The following CACNA1B variants were observed in gnomAD, a reference collection of about 807,000 sequenced individuals.
CACNA1B encodes voltage-dependent N-type calcium channel subunit alpha-1B.
Under a neutral mutation model 247.2 loss-of-function variants are expected in CACNA1B, and 70 were observed. The ratio of observed to expected loss-of-function variants is 0.28; its 90% CI spans 0.23 to 0.35. The LOEUF (loss-of-function observed/expected upper bound fraction) is 0.35, where lower values mean the gene tolerates loss of function less well. CACNA1B is among the 10% of genes least tolerant of loss of function. The pLI is 1.00. For synonymous variants in CACNA1B, 1,231 were observed against 1,294.4 expected (o/e 0.95, Z 1.05); for missense variants, 2,367 against 3,197.4 (o/e 0.74, Z 6.26).
At chr9:137,886,361 G>A (rs1354325608) in intron 3 of CACNA1B, among the ~76,000 whole-genome samples, 1 of 152,180 alleles carries the variant, frequency 6.6e-6, no homozygotes, top group Non-Finnish European at 1.5e-5. Flanking sequence ...GAGGAGGCGG[G>A]AAGGCCACCA....
chr9:138,047,107 G>C, intron 22 of CACNA1B, 74 bp downstream of exon 22: 1 of 1,412,154 alleles, frequency 7.1e-7, no homozygotes. Flanking sequence ...GGGCCCAAGG[G>C]GCTGGGGTGG....
intron 36 of CACNA1B, among the ~76,000 whole-genome samples, chr9:138,087,201 C>T (rs1254518920): frequency 6.7e-6 from 1 of 149,062 alleles, no homozygotes; most frequent in Non-Finnish European, 1.5e-5. Flanking sequence ...GCCTGGCTAA[C>T]ATGGTGAAAC....
At chr9:137,983,257 A>G (rs1958315319) in intron 12 of CACNA1B, among the ~76,000 whole-genome samples, 1 of 152,238 alleles carries the variant, frequency 6.6e-6, no homozygotes, top group African/African-American at 2.4e-5. Context: ...TGAGAATTAC[A>G]CACATGAAGA....
chr9:138,073,615 C>T lies in CACNA1B; in HGVS notation c.4791+11C>T, dbSNP rs201059479. 2.6e-5 allele frequency: 37 copies of T among 1,440,082 alleles called. No individual in the cohort carries two copies. The highest frequency in any genetic ancestry group is 1.1e-4 in the African/African-American group (8 of 71,432). The allele number at this position is 1,440,082 out of a possible 1,614,324, so 89.2% of individuals were successfully genotyped here. On this transcript the variant is annotated intron_variant, in intron 33 of 46. Transcript: ENST00000371372. The surrounding 1 kb of genome is among the most constrained non-coding windows in gnomAD (Gnocchi z 6.4). ...GTCCAGTCCTTCAAGGTGGGCCAGG[C>T]GGGGGGCCTCCATGCTTTCTGTCCC...
chr9:138,066,708 T>C (rs1959930757), intron 31 of CACNA1B, among the ~76,000 whole-genome samples: 1 of 152,186 alleles, frequency 6.6e-6, no homozygotes, highest in South Asian at 2.1e-4. Flanking sequence ...ATGAAAATAC[T>C]GTATATTAAA....
chr9:138,116,536 G>GT (rs1280308112), intron 42 of CACNA1B, among the ~76,000 whole-genome samples: 1 of 152,212 alleles, frequency 6.6e-6, no homozygotes, highest in Admixed American at 6.5e-5. Context: ...GATTCTGACT[G>GT]TATGTGCAGG....
chr9:138,121,590 A>G lies in CACNA1B; in HGVS notation c.6611A>G (p.Lys2204Arg), dbSNP rs1293137716. 4.3e-6 allele frequency: 7 copies of G among 1,612,558 alleles called. No homozygotes were observed. Among genetic ancestry groups the G allele is most frequent in the Non-Finnish European group, 5.9e-6 (7 of 1,179,290 alleles). ...ACTCCCCGCCCCAGCATCACCTACA[A>G]GACGGCCAACTCCTCACCCATCCAC... ...PLTPRPSITY[K>R]TANSSPIHFA... The change falls in exon 47 of 47, where the codon AAG (lysine) becomes AGG (arginine). Residue 2204 changes from lysine (K) to arginine (R), a missense_variant. Physicochemically the swap from Lys to Arg is conservative, Grantham distance 26 (BLOSUM62 2). Coordinates refer to ENST00000371372, the MANE Select transcript of CACNA1B (RefSeq NM_000718.4). This position sits in a 1 kb window ranked among gnomAD's most constrained non-coding sequence, Gnocchi z 6.8.
At position 137,955,663 on chromosome 9, in the gene CACNA1B, C is replaced by G; in HGVS notation, c.1071-35C>G. 7.0e-7 allele frequency: 1 copy of G among 1,426,346 alleles called. No homozygotes were observed. The highest frequency in any genetic ancestry group is 9.8e-7 in the Non-Finnish European group (1 of 1,018,512). The allele number at this position is 1,426,346 out of a possible 1,614,324, so 88.4% of individuals were successfully genotyped here. ...GCTGCACACCTGTGGGGCTTGCACT[C>G]ACCTGATCTTGCTTTTCCGGCCCCT... On this transcript the variant is annotated intron_variant, in intron 7 of 46. Coordinates refer to ENST00000371372, the MANE Select transcript of CACNA1B (RefSeq NM_000718.4). This position sits in a 1 kb window ranked among gnomAD's most constrained non-coding sequence, Gnocchi z 6.9.
Position 138,058,561 on chromosome 9 carries a change from C to T in CACNA1B, c.4309-8C>T, listed in dbSNP as rs1959599014. On this transcript the variant is annotated splice_region_variant and splice_polypyrimidine_tract_variant and intron_variant, in intron 28 of 46. Coordinates refer to ENST00000371372, the MANE Select transcript of CACNA1B (RefSeq NM_000718.4). This position sits in a 1 kb window ranked among gnomAD's most constrained non-coding sequence, Gnocchi z 4.7. ...TCTGAGTCTCTGTGCTCCTTTCTCC[C>T]CTTACAGAGGGCTTGCATTGACTTC... 1.9e-6 allele frequency: 3 copies of T among 1,606,720 alleles called. No individual in the cohort carries two copies. Among genetic ancestry groups the T allele is most frequent in the Non-Finnish European group, 2.5e-6 (3 of 1,177,438 alleles).
intron 40 of CACNA1B, among the ~76,000 whole-genome samples, chr9:138,113,795 T>C (rs2979439): frequency 2.1e-4 from 22 of 104,666 alleles, no homozygotes; most frequent in Non-Finnish European, 2.3e-4. Context: ...CCCAACTCCA[T>C]CTTGTGGGAG....
Position 138,124,156 on chromosome 9 carries a change from A to G in CACNA1B, c.*2157A>G, listed in dbSNP as rs980742523. 11 of 152,298 alleles carry G rather than the reference A, an allele frequency of 7.2e-5. No homozygotes were observed. Among genetic ancestry groups the G allele is most frequent in the Admixed American group, 4.6e-4 (7 of 15,302 alleles). The allele number at this position is 152,298 out of a possible 1,614,324, so 9.4% of individuals were successfully genotyped here. A position where few individuals can be genotyped will look rare whatever the true frequency, so the allele number is the denominator to read the frequency against. On this transcript the variant is annotated 3_prime_UTR_variant, in exon 47 of 47. Coordinates refer to ENST00000371372, the MANE Select transcript of CACNA1B (RefSeq NM_000718.4). ...GTTTCTCACTGTGTCTTCTCCGGCT[A>G]TCATATATGTCCCCTGAATCTCATA...
chr9:138,029,410 T>C (rs985435163), intron 20 of CACNA1B, among the ~76,000 whole-genome samples: 2 of 152,200 alleles, frequency 1.3e-5, no homozygotes, highest in Non-Finnish European at 2.9e-5. Context: ...TGTATGGATG[T>C]TGGTCTGCTT....
intron 10 of CACNA1B, among the ~76,000 whole-genome samples, chr9:137,961,043 T>C (rs912889029): frequency 2.6e-5 from 4 of 152,204 alleles, no homozygotes; most frequent in South Asian, 4.1e-4. Flanking sequence ...TTGCCTACTT[T>C]TTAATGGGGT....
At chr9:138,053,560 A>C (rs1959371915) in intron 25 of CACNA1B, among the ~76,000 whole-genome samples, 12 of 148,526 alleles carry the variant, frequency 8.1e-5, no homozygotes, top group African/African-American at 1.2e-4. Context: ...CTGTGGCTCC[A>C]CCTCTTGTCA....
chr9:137,928,105 G>T (rs776014547), intron 6 of CACNA1B, among the ~76,000 whole-genome samples: 98 of 151,852 alleles, frequency 6.5e-4, no homozygotes, highest in Non-Finnish European at 1.2e-3. Flanking sequence ...GTCTTTTTTT[G>T]TTGTTGTTGT....
In CACNA1B at chr9:137,917,185, G is replaced by T; in HGVS notation, c.776-56G>T. The T allele has an allele frequency of 6.6e-7, 1 of 1,514,532 alleles. No individual in the cohort carries two copies. Among genetic ancestry groups the T allele is most frequent in the Admixed American group, 1.8e-5 (1 of 55,066 alleles). The allele number at this position is 1,514,532 out of a possible 1,614,324, so 93.8% of individuals were successfully genotyped here. On this transcript the variant is annotated intron_variant, in intron 5 of 46. Transcript: ENST00000371372. This position sits in a 1 kb window ranked among gnomAD's most constrained non-coding sequence, Gnocchi z 5.5. ...TCCAGAGCCCAGGAATCCTGGTGGG[G>T]ATTGGAGAGCTTGGTATTTCTGAGC... is the stretch of plus-strand genomic sequence containing the variant.
intron 20 of CACNA1B, among the ~76,000 whole-genome samples, chr9:138,043,536 A>G (rs549809110): frequency 6.6e-6 from 1 of 152,256 alleles, no homozygotes; most frequent in East Asian, 1.9e-4. Flanking sequence ...GTTGTTGCCA[A>G]CGTTGGTGCA....
intron 40 of CACNA1B, 22 bp downstream of exon 40, chr9:138,112,527 GCC>G: frequency 1.4e-6 from 2 of 1,431,592 alleles, no homozygotes; most frequent in Non-Finnish European, 9.9e-7. Context: ...GGTGAGAAAT[GCC>G]CCCAGCCCCC....
intron 3 of CACNA1B, among the ~76,000 whole-genome samples, chr9:137,883,593 G>T (rs1956960151): frequency 6.7e-6 from 1 of 150,228 alleles, no homozygotes; most frequent in Non-Finnish European, 1.5e-5. Flanking sequence ...GGCACTGTGA[G>T]GTCCCCTTTC....
Sources: gnomAD v4.1 joint callset for allele counts (sites outside exome capture counted in the v4.1 genomes callset) on GRCh38, gnomAD v4.1.1 for gene constraint, Gnocchi (gnomAD v3.1) non-coding constraint, MANE v1.5 for transcripts, NCBI Gene and HGNC (gene_info 2026-07-23, HGNC 2026-07-21) for gene names.